ZNF880: variants seen among roughly 807,000 people sequenced by gnomAD.
The protein encoded by ZNF880 is zinc finger protein 880, also known as zinc finger protein LOC400713.
A neutral mutation model predicts 11.8 loss-of-function variants in ZNF880; 12 were observed. The ratio of observed to expected loss-of-function variants is 1.02; its 90% CI spans 0.65 to 1.65. The LOEUF (loss-of-function observed/expected upper bound fraction) is 1.65, where lower values mean the gene tolerates loss of function less well. ZNF880 is among the 40% of genes most tolerant of loss of function. The pLI is 0.00. For missense variants in ZNF880, 601 were observed against 673.9 expected (o/e 0.89, Z 1.20); for synonymous variants, 210 against 232.4 (o/e 0.90, Z 0.88).
chr19:52,368,448 A>G (rs1209338941), upstream of ZNF880, among the ~76,000 whole-genome samples: 1 of 152,010 alleles, frequency 6.6e-6, no homozygotes. Context: ...TTTGGCTTGG[A>G]TCTTGAGAAT....
In ZNF880 at chr19:52,385,431, A is replaced by T; in HGVS notation, c.*117A>T. ...CAAACTCTTCATGCTAAGTTCTAGC[A>T]TTAATCAACATCAGAGATTCCATAC... On this transcript the variant is annotated 3_prime_UTR_variant, in exon 4 of 4. Coordinates refer to ENST00000422689, the MANE Select transcript of ZNF880 (RefSeq NM_001145434.2). 8.5e-7 allele frequency: 1 copy of T among 1,175,464 alleles called. No individual in the cohort carries two copies. The highest frequency in any genetic ancestry group is 1.2e-6 in the Non-Finnish European group (1 of 847,626). 72.8% of individuals were successfully genotyped at this position (1,175,464 alleles called of 1,614,324 possible).
chr19:52,383,713 T>C, intron 3 of ZNF880, 136 bp from the exon 4 acceptor site: 2 of 972,414 alleles, frequency 2.1e-6, no homozygotes, highest in Non-Finnish European at 3.0e-6. Context: ...TTTTCTGCAC[T>C]GCCAGCATGA....
At chr19:52,374,645 C>A in intron 3 of ZNF880, 1 of 677,700 alleles carries the variant, frequency 1.5e-6, no homozygotes, top group Non-Finnish European at 2.6e-6. Context: ...CAAAACCACA[C>A]TTTGAGTTTC....
rs773267611 is a variant in ZNF880, at chr19:52,384,517, C to T, written c.937C>T (p.Arg313Ter). Residue 313 changes from arginine (R) to a stop codon, truncating the protein, a stop_gained, in exon 4 of 4, where the codon CGA (arginine) becomes TGA (stop). Coordinates refer to ENST00000422689, the MANE Select transcript of ZNF880 (RefSeq NM_001145434.2). LOFTEE classifies it low-confidence loss of function (END_TRUNC). ...CTTCAACAGAAATGCACACCTTGCACGACATCAGAAAATTCATAGTGGAGA... is the reference window on the plus strand; with the variant it reads ...CTTCAACAGAAATGCACACCTTGCATGACATCAGAAAATTCATAGTGGAGA... Reference protein sequence around the residue: ...KVFNRNAHLARHQKIHSGEKP... With the variant: ...KVFNRNAHLA 1.4e-5 allele frequency: 22 copies of T among 1,612,758 alleles called. No homozygotes were observed. The highest frequency in any genetic ancestry group is 1.2e-4 in the African/African-American group (9 of 74,484).
chr19:52,382,742 G>A (rs546075817), intron 3 of ZNF880, among the ~76,000 whole-genome samples: 2 of 152,236 alleles, frequency 1.3e-5, no homozygotes, highest in Admixed American at 6.5e-5. Flanking sequence ...TTTCTGTATA[G>A]TATGTCTCTG....
downstream of ZNF880, chr19:52,389,850 C>T (rs1267786413): frequency 6.6e-6 from 1 of 152,320 alleles, no homozygotes; most frequent in Non-Finnish European, 1.5e-5. Flanking sequence ...CCACCTTCAG[C>T]CTGGACTTTT....
rs1334102446 is a variant in ZNF880, at chr19:52,384,341, T to C, written c.761T>C (p.Leu254Pro). The stretch of plus-strand genomic sequence containing the variant: ...GGCAAGCTCTTCAATCGAATTTCAC[T>C]CCTTGCACGACATCAGAGAATACAT... The part of the protein sequence containing the change: ...ECGKLFNRIS[L>P]LARHQRIHTG... Residue 254 changes from leucine (L) to proline (P), a missense_variant, in exon 4 of 4, where the codon CTC becomes CCC. This residue lies in a region of ZNF880 where 420 missense variants were observed against 442.6 expected (regional missense o/e 0.95). Transcript: ENST00000422689. The C allele has an allele frequency of 6.7e-7, 1 of 1,481,778 alleles. No homozygotes were observed. The highest frequency in any genetic ancestry group is 1.7e-5 in the African/African-American group (1 of 58,634). The allele number at this position is 1,481,778 out of a possible 1,614,324, so 91.8% of individuals were successfully genotyped here.
At chr19:52,379,563 A>G in intron 3 of ZNF880, 1 of 369,874 alleles carries the variant, frequency 2.7e-6, no homozygotes. Context: ...GCCTGGCCTC[A>G]TTTTTAATTT....
the ZNF880 span, among the ~76,000 whole-genome samples, chr19:52,396,080 G>T: frequency 6.6e-6 from 1 of 150,862 alleles, no homozygotes; most frequent in Non-Finnish European, 1.5e-5. Context: ...TCAGCCTCTC[G>T]AGTAGCTGGG....
chr19:52,380,822 A>G (rs1307147270), intron 3 of ZNF880, among the ~76,000 whole-genome samples: 2 of 152,028 alleles, frequency 1.3e-5, no homozygotes, highest in Non-Finnish European at 2.9e-5. Context: ...GACTACAGGC[A>G]TGTACCACCA....
chr19:52,373,827 C>T (rs1373813555), intron 2 of ZNF880, among the ~76,000 whole-genome samples: 3 of 151,604 alleles, frequency 2.0e-5, no homozygotes, highest in Non-Finnish European at 4.4e-5. Context: ...CGTGCCACCA[C>T]GCCTGGCTAA....
chr19:52,385,561 G>GCAATCCCAAAGTGCGGGGA lies in ZNF880; in HGVS notation c.*247_*248insCAATCCCAAAGTGCGGGGA. ...GGATGAAACCATACAGATGGATTAT[G>GCAATCCCAAAGTGCGGGGA]TATGCTGAGGCTATTATTCAAGGAC... On this transcript the variant is annotated 3_prime_UTR_variant, in exon 4 of 4. Coordinates refer to ENST00000422689, the MANE Select transcript of ZNF880 (RefSeq NM_001145434.2). 4.5e-6 allele frequency: 2 copies of GCAATCCCAAAGTGCGGGGA among 447,234 alleles called. No individual in the cohort carries two copies. Among genetic ancestry groups the GCAATCCCAAAGTGCGGGGA allele is most frequent in the Non-Finnish European group, 7.9e-6 (2 of 252,078 alleles). The allele number at this position is 447,234 out of a possible 1,614,324, so 27.7% of individuals were successfully genotyped here. A position where few individuals can be genotyped will look rare whatever the true frequency, so the allele number is the denominator to read the frequency against.
chr19:52,384,937 AATC>A lies in ZNF880; in HGVS notation c.1362_1364del (p.His454del). On this transcript the variant is annotated inframe_deletion, in exon 4 of 4. Coordinates refer to ENST00000422689, the MANE Select transcript of ZNF880 (RefSeq NM_001145434.2). The stretch of plus-strand genomic sequence containing the variant: ...CTTCAGGCATAGATTATCCCTAAGC[AATC>A]ATCAGAGATTTCATACTGGAGAGAA... 6.3e-7 allele frequency: 1 copy of A among 1,586,962 alleles called. No individual in the cohort carries two copies. The highest frequency in any genetic ancestry group is 8.6e-7 in the Non-Finnish European group (1 of 1,165,376).
Position 52,384,180 on chromosome 19 carries a change from T to C in ZNF880, c.600T>C (p.Ala200=). The change falls in exon 4 of 4, where the codon GCT becomes GCC. Residue 200 remains alanine, a synonymous_variant. Coordinates refer to ENST00000422689, the MANE Select transcript of ZNF880 (RefSeq NM_001145434.2). ...CCTTTAGAGTGTCTTCAAGACTTGC[T>C]AACAATCAAGTAATCCACACTGCAG... ...GKAFRVSSRL[A]NNQVIHTADN... is the part of the protein sequence containing the mutation. The C allele has an allele frequency of 6.2e-7, 1 of 1,610,606 alleles. No homozygotes were observed. Among genetic ancestry groups the C allele is most frequent in the Non-Finnish European group, 8.5e-7 (1 of 1,178,114 alleles).
At chr19:52,383,585 T>G (rs922569701) in intron 3 of ZNF880, among the ~76,000 whole-genome samples, 1 of 152,198 alleles carries the variant, frequency 6.6e-6, no homozygotes, top group African/African-American at 2.4e-5. Flanking sequence ...CTGCTTTTTC[T>G]CAAAAGCTTT....
chr19:52,386,027 TAGCC>T (rs1187646084), downstream of ZNF880, among the ~76,000 whole-genome samples: 1 of 141,812 alleles, frequency 7.1e-6, no homozygotes, highest in African/African-American at 2.8e-5. Flanking sequence ...TACAAAAAAT[TAGCC>T]AGGCATGGTG....
intron 3 of ZNF880, among the ~76,000 whole-genome samples, chr19:52,378,434 G>C (rs1019004087): frequency 6.6e-6 from 1 of 151,804 alleles, no homozygotes; most frequent in Non-Finnish European, 1.5e-5. Context: ...CAGAAAGTCA[G>C]GGGATCGAAA....
chr19:52,388,529 G>A (rs1986957775), downstream of ZNF880, among the ~76,000 whole-genome samples: 2 of 151,726 alleles, frequency 1.3e-5, no homozygotes, highest in African/African-American at 4.8e-5. Flanking sequence ...ACCCGCCTCA[G>A]CCTCCCAAAG....
chr19:52,371,350 T>G (rs1029104420), intron 1 of ZNF880, among the ~76,000 whole-genome samples: 7 of 147,504 alleles, frequency 4.7e-5, no homozygotes, highest in Non-Finnish European at 9.0e-5. Context: ...TTGTTTGATG[T>G]TTTTTTTTTT....
Sources: gnomAD v4.1 joint callset for allele counts (sites outside exome capture counted in the v4.1 genomes callset) on GRCh38, gnomAD v4.1.1 for gene constraint, gnomAD v4.1.1 regional missense constraint, MANE v1.5 for transcripts, NCBI Gene and HGNC (gene_info 2026-07-23, HGNC 2026-07-21) for gene names.